The following CDK14 variants were observed in gnomAD, a reference collection of about 807,000 sequenced individuals.
CDK14 encodes cyclin-dependent kinase 14.
Under a neutral mutation model 60.7 loss-of-function variants are expected in CDK14, and 34 were observed. That is an observed-to-expected ratio of 0.56 (90% CI 0.43 to 0.75). The LOEUF (loss-of-function observed/expected upper bound fraction) is 0.75. Among genes scored for constraint, CDK14 ranks in the 30% least tolerant of loss-of-function variants. CDK14 has a pLI of 0.00. For synonymous variants in CDK14, 197 were observed against 203.7 expected, an observed-to-expected ratio of 0.97 and a Z score of 0.28; for missense variants, 482 against 564.1, an observed-to-expected ratio of 0.85 and a Z score of 1.47.
intron 14 of CDK14, among the ~76,000 whole-genome samples, chr7:91,177,158 T>C (rs1402390482): frequency 2.0e-5 from 3 of 151,394 alleles, no homozygotes; most frequent in African/African-American, 7.3e-5. Context: ...GTTCAATATA[T>C]GCAAATCAAT....
At chr7:90,638,084 A>T (rs1800203884) in intron 2 of CDK14, among the ~76,000 whole-genome samples, 1 of 151,554 alleles carries the variant, frequency 6.6e-6, no homozygotes. Flanking sequence ...CTCTGTATCC[A>T]ATTTGCCAGT....
intron 11 of CDK14, among the ~76,000 whole-genome samples, chr7:91,076,134 A>G (rs776954294): frequency 6.6e-6 from 1 of 150,940 alleles, no homozygotes; most frequent in Non-Finnish European, 1.5e-5. Context: ...TAAATTTTAT[A>G]TAAAACCAAA....
intron 2 of CDK14, among the ~76,000 whole-genome samples, chr7:90,610,128 A>G (rs1019962855): frequency 1.3e-5 from 2 of 151,826 alleles, no homozygotes; most frequent in South Asian, 2.1e-4. Context: ...GTCCCATCCC[A>G]TTCTCATAGT....
intron 3 of CDK14, among the ~76,000 whole-genome samples, chr7:90,741,698 G>C (rs1361680959): frequency 6.6e-6 from 1 of 152,146 alleles, no homozygotes; most frequent in Non-Finnish European, 1.5e-5. Flanking sequence ...AAGCACAAAT[G>C]CTTGTTAATA....
intron 6 of CDK14, among the ~76,000 whole-genome samples, chr7:90,880,160 C>T (rs902711612): frequency 2.6e-5 from 4 of 152,254 alleles, no homozygotes; most frequent in Non-Finnish European, 5.9e-5. Flanking sequence ...CAGCAGCCAG[C>T]ACTGGGACTC....
intron 7 of CDK14, 82 bp downstream of exon 7, chr7:90,899,435 C>G (rs1485652220): frequency 5.6e-6 from 6 of 1,063,238 alleles, no homozygotes; most frequent in Non-Finnish European, 7.8e-6. Context: ...TCTACCATAA[C>G]ATATTTAAAT....
intron 12 of CDK14, among the ~76,000 whole-genome samples, chr7:91,081,197 C>T (rs1486718048): frequency 2.0e-5 from 3 of 152,160 alleles, no homozygotes; most frequent in African/African-American, 7.2e-5. Context: ...TTAAAGAGAA[C>T]TAAGATGCAG....
At chr7:90,729,020 T>C (rs888347943) in intron 3 of CDK14, among the ~76,000 whole-genome samples, 22 of 151,998 alleles carry the variant, frequency 1.4e-4, no homozygotes, top group African/African-American at 5.3e-4. Flanking sequence ...CAGTTCTCTA[T>C]GCCAACTTTC....
chr7:90,872,580 C>T (rs1562806755), intron 6 of CDK14, among the ~76,000 whole-genome samples: 1 of 152,122 alleles, frequency 6.6e-6, no homozygotes, highest in Non-Finnish European at 1.5e-5. Context: ...GGCTTTTTCT[C>T]ATCTAATAAT....
intron 2 of CDK14, among the ~76,000 whole-genome samples, chr7:90,687,480 A>G (rs1801460698): frequency 6.6e-6 from 1 of 152,074 alleles, no homozygotes; most frequent in Non-Finnish European, 1.5e-5. Flanking sequence ...TAGAAGATGG[A>G]AAAGGAGGGC....
chr7:90,719,658 A>G (rs962349188), intron 2 of CDK14, among the ~76,000 whole-genome samples: 2 of 152,160 alleles, frequency 1.3e-5, no homozygotes, highest in African/African-American at 4.8e-5. Flanking sequence ...ATGAATATCC[A>G]TATGTGTGGG....
intron 5 of CDK14, among the ~76,000 whole-genome samples, chr7:90,812,699 AT>A (rs1789183016): frequency 6.6e-6 from 1 of 152,228 alleles, no homozygotes; most frequent in South Asian, 2.1e-4. Context: ...GGACATGAAA[AT>A]TAAAAACCAC....
intron 10 of CDK14, among the ~76,000 whole-genome samples, chr7:91,041,198 T>C (rs907153527): frequency 3.3e-5 from 5 of 150,272 alleles, no homozygotes; most frequent in African/African-American, 1.2e-4. Flanking sequence ...TTTTAACAGA[T>C]GTTAAATAGT....
chr7:90,796,380 G>A (rs758273861), intron 5 of CDK14, among the ~76,000 whole-genome samples: 32 of 152,146 alleles, frequency 2.1e-4, no homozygotes, highest in Non-Finnish European at 2.2e-4. Flanking sequence ...AGAAAGAGAT[G>A]TCAGAGCTAG....
At chr7:90,742,127 G>A (rs1803372448) in intron 3 of CDK14, among the ~76,000 whole-genome samples, 1 of 151,940 alleles carries the variant, frequency 6.6e-6, no homozygotes, top group African/African-American at 2.4e-5. Flanking sequence ...TTTTGGTAAT[G>A]GGGTTTTGCT....
At chr7:90,946,412 T>A (rs1794101394) in intron 8 of CDK14, among the ~76,000 whole-genome samples, 1 of 151,894 alleles carries the variant, frequency 6.6e-6, no homozygotes, top group Non-Finnish European at 1.5e-5. Flanking sequence ...TTAATAGGCC[T>A]CTCCTCAAAT....
intron 3 of CDK14, among the ~76,000 whole-genome samples, chr7:90,728,128 C>T (rs902081707): frequency 2.6e-5 from 4 of 151,992 alleles, no homozygotes; most frequent in Non-Finnish European, 5.9e-5. Flanking sequence ...GTATTGAAAT[C>T]CCTAGACTAT....
chr7:91,111,504 C>A (rs1437575814), intron 12 of CDK14, among the ~76,000 whole-genome samples: 1 of 152,140 alleles, frequency 6.6e-6, no homozygotes, highest in African/African-American at 2.4e-5. Flanking sequence ...TTTAAAATAA[C>A]CTGTGAGAGA....
At chr7:90,685,167 A>G (rs1801407081) in intron 2 of CDK14, among the ~76,000 whole-genome samples, 1 of 152,044 alleles carries the variant, frequency 6.6e-6, no homozygotes, top group African/African-American at 2.4e-5. Context: ...TAGGAAATTC[A>G]TCCTCTCTTT....
Sources: gnomAD v4.1 joint callset for allele counts (sites outside exome capture counted in the v4.1 genomes callset) on GRCh38, gnomAD v4.1.1 for gene constraint, MANE v1.5 for transcripts, NCBI Gene and HGNC (gene_info 2026-07-23, HGNC 2026-07-21) for gene names.